Variants in GULP1 observed in about 807,000 individuals in gnomAD.
The protein encoded by GULP1 is PTB domain-containing engulfment adapter protein 1.
Under a neutral mutation model 40.9 loss-of-function variants are expected in GULP1, and 19 were observed. The observed-to-expected ratio is 0.46, with a 90% CI of 0.32 to 0.68. The LOEUF is 0.68. Among genes scored for constraint, GULP1 ranks in the 30% least tolerant of loss-of-function variants. The pLI is 0.03. For missense variants in GULP1, 312 were observed against 362.2 expected (o/e 0.86, Z 1.12); for synonymous variants, 119 against 117.6 (o/e 1.01, Z -0.08).
chr2:188,487,993 C>T (rs1359179270), intron 4 of GULP1, among the ~76,000 whole-genome samples: 1 of 152,014 alleles, frequency 6.6e-6, no homozygotes, highest in Non-Finnish European at 1.5e-5. Context: ...ACACTGCCTT[C>T]ATCCCCTCCA....
intron 2 of GULP1, among the ~76,000 whole-genome samples, chr2:188,428,903 T>G (rs2056540304): frequency 6.6e-6 from 1 of 152,000 alleles, no homozygotes; most frequent in African/African-American, 2.4e-5. Flanking sequence ...TTTAATTTAC[T>G]CTGGAAAACA....
At chr2:188,305,597 T>C (rs1202480935) in intron 1 of GULP1, among the ~76,000 whole-genome samples, 2 of 152,198 alleles carry the variant, frequency 1.3e-5, no homozygotes, top group Non-Finnish European at 2.9e-5. Flanking sequence ...GCTCCAGCAT[T>C]ATAACAAGGA....
At chr2:188,317,944 A>T (rs190795876) in intron 1 of GULP1, among the ~76,000 whole-genome samples, 1 of 152,090 alleles carries the variant, frequency 6.6e-6, no homozygotes, top group South Asian at 2.1e-4. Context: ...TTCATTGTTC[A>T]TTTTTGATAC....
chr2:188,397,788 C>G (rs1420183755), intron 2 of GULP1, among the ~76,000 whole-genome samples: 1 of 152,184 alleles, frequency 6.6e-6, no homozygotes, highest in Non-Finnish European at 1.5e-5. Flanking sequence ...GATTCAGCCT[C>G]CACAGAGCTG....
chr2:188,479,570 G>A, intron 3 of GULP1, among the ~76,000 whole-genome samples: 1 of 152,084 alleles, frequency 6.6e-6, no homozygotes, highest in East Asian at 1.9e-4. Flanking sequence ...GAGCCACTGT[G>A]CTCAATCTGA....
At chr2:188,373,064 G>A (rs1159375941) in intron 1 of GULP1, among the ~76,000 whole-genome samples, 1 of 137,214 alleles carries the variant, frequency 7.3e-6, no homozygotes, top group African/African-American at 2.8e-5. Flanking sequence ...TGTGTTTTAT[G>A]GAGCTGGGGA....
intron 1 of GULP1, among the ~76,000 whole-genome samples, chr2:188,336,703 A>C (rs570064997): frequency 6.6e-6 from 1 of 152,292 alleles, no homozygotes; most frequent in Admixed American, 6.5e-5. Flanking sequence ...AGTTAGCATG[A>C]ATATATGTGG....
At chr2:188,565,049 G>A (rs1163225159) in intron 7 of GULP1, among the ~76,000 whole-genome samples, 1 of 151,854 alleles carries the variant, frequency 6.6e-6, no homozygotes, top group Non-Finnish European at 1.5e-5. Flanking sequence ...AACTATTTGA[G>A]GTGGATCATA....
At chr2:188,566,787 T>C in intron 7 of GULP1, among the ~76,000 whole-genome samples, 1 of 89,578 alleles carries the variant, frequency 1.1e-5, no homozygotes, top group African/African-American at 4.8e-5. Flanking sequence ...TGAGTGAGAC[T>C]CCATCTCAAA....
At position 188,503,211 on chromosome 2, in the gene GULP1, A is replaced by AT. The variant is rs201516137; in HGVS notation, c.91-19536dup. Among the ~76,000 whole-genome samples, 1,479 of 150,676 alleles carry AT rather than the reference A, an allele frequency of 9.8e-3. 2 individuals carry two copies. Among genetic ancestry groups the AT allele is most frequent in the Middle Eastern group, 0.014 (4 of 294 alleles). On this transcript the variant is annotated intron_variant, in intron 4 of 11. Coordinates refer to ENST00000409830, the MANE Select transcript of GULP1 (RefSeq NM_016315.4). Reference sequence around the variant, plus strand: ...TTAAAACATTATGAGGTTTTTCGGCATTTTTTTTTAGCTCATCCACTATCA... The same window carrying AT: ...TTAAAACATTATGAGGTTTTTCGGCATTTTTTTTTTAGCTCATCCACTATCA...
intron 2 of GULP1, among the ~76,000 whole-genome samples, chr2:188,420,497 G>A (rs914489464): frequency 2.0e-5 from 3 of 152,136 alleles, no homozygotes; most frequent in Non-Finnish European, 4.4e-5. Context: ...TCAGCTCAGC[G>A]AGCAGGAGCA....
intron 5 of GULP1, 83 bp from the exon 6 acceptor site, chr2:188,529,014 T>G (rs1686879473): frequency 1.5e-6 from 1 of 689,132 alleles, no homozygotes; most frequent in African/African-American, 1.9e-5. Flanking sequence ...TGAAATTGAA[T>G]ATGAACTCCA....
intron 1 of GULP1, among the ~76,000 whole-genome samples, chr2:188,355,137 A>G (rs2045105962): frequency 1.3e-5 from 2 of 152,196 alleles, no homozygotes; most frequent in Non-Finnish European, 2.9e-5. Context: ...TCAAGAAACT[A>G]GAAAAGCAAG....
intron 6 of GULP1, among the ~76,000 whole-genome samples, chr2:188,535,281 CCATCACCCAGATAGTGAGCA>C (rs1688633989): frequency 6.6e-6 from 1 of 152,012 alleles, no homozygotes; most frequent in African/African-American, 2.4e-5. Context: ...ATGAATGATT[CCATCACCCAGATAGTGAGCA>C]CAGTACCCAA....
chr2:188,377,527 G>T (rs998923058), intron 1 of GULP1, among the ~76,000 whole-genome samples: 2 of 152,170 alleles, frequency 1.3e-5, no homozygotes, highest in South Asian at 4.1e-4. Flanking sequence ...CAGGAATACT[G>T]CCTGATTGTC....
At chr2:188,592,061 T>C (rs1703666969) in intron 11 of GULP1, 1 of 151,888 alleles carries the variant, frequency 6.6e-6, no homozygotes, top group African/African-American at 2.4e-5. Flanking sequence ...AATATGGAGA[T>C]AGATATTATT....
intron 1 of GULP1, among the ~76,000 whole-genome samples, chr2:188,340,881 C>A (rs1423869515): frequency 6.6e-6 from 1 of 152,094 alleles, no homozygotes; most frequent in African/African-American, 2.4e-5. Flanking sequence ...TCTGGCTGGA[C>A]TGAACTCTGA....
intron 2 of GULP1, among the ~76,000 whole-genome samples, chr2:188,397,755 T>C (rs556307022): frequency 1.3e-5 from 2 of 152,198 alleles, no homozygotes; most frequent in Non-Finnish European, 2.9e-5. Context: ...ACAGCCCAAC[T>C]GGGGCTGAAG....
intron 6 of GULP1, among the ~76,000 whole-genome samples, chr2:188,531,419 T>A (rs1687501012): frequency 6.6e-6 from 1 of 152,206 alleles, no homozygotes; most frequent in Admixed American, 6.5e-5. Context: ...TAAAGATCAA[T>A]GGCATACCTT....
Sources: gnomAD v4.1 joint callset for allele counts (sites outside exome capture counted in the v4.1 genomes callset) on GRCh38, gnomAD v4.1.1 for gene constraint, MANE v1.5 for transcripts, NCBI Gene and HGNC (gene_info 2026-07-23, HGNC 2026-07-21) for gene names.